Variants in HTR1D observed in about 807,000 individuals in gnomAD.
The protein encoded by HTR1D is 5-HT-1D.
HTR1D carries 18 observed loss-of-function variants against 21.1 expected under a neutral mutation model. The observed-to-expected ratio is 0.85, with a 90% CI of 0.59 to 1.27. The LOEUF is 1.27. Among genes scored for constraint, HTR1D ranks in the 50% most tolerant of loss-of-function variants. The pLI is 0.00. For missense variants in HTR1D, 456 were observed against 481.4 expected, an observed-to-expected ratio of 0.95 and a Z score of 0.49; for synonymous variants, 196 against 204.4, an observed-to-expected ratio of 0.96 and a Z score of 0.35.
intron 1 of HTR1D, among the ~76,000 whole-genome samples, chr1:23,195,991 CTAAT>C (rs1161620788): frequency 1.3e-5 from 2 of 152,018 alleles, no homozygotes; most frequent in African/African-American, 4.8e-5. Flanking sequence ...CCGTGCCCAG[CTAAT>C]TGTTTTTTAT....
chr1:23,211,754 T>C (rs1009119383), intron 1 of HTR1D, among the ~76,000 whole-genome samples: 1 of 152,016 alleles, frequency 6.6e-6, no homozygotes, highest in African/African-American at 2.4e-5. Flanking sequence ...CTCAACCTCC[T>C]GAGCTCAAGC....
intron 1 of HTR1D, among the ~76,000 whole-genome samples, chr1:23,206,425 G>A (rs1287513915): frequency 6.6e-6 from 1 of 152,142 alleles, no homozygotes; most frequent in Non-Finnish European, 1.5e-5. Flanking sequence ...AGGCTTCACA[G>A]CTTGGTTTAA....
intron 1 of HTR1D, among the ~76,000 whole-genome samples, chr1:23,213,500 C>CAAAACAA (rs1644762024): frequency 3.1e-5 from 1 of 32,456 alleles, no homozygotes; most frequent in East Asian, 7.6e-4. Context: ...AAAACAAAAA[C>CAAAACAA]AATAAGGAAG....
chr1:23,199,415 C>CT lies in HTR1D; in HGVS notation c.-782-4415dup, dbSNP rs71020483. ...ACAGGTGTGAGCCGCCATGTGTGGT[C>CT]TTTTTTTTTTTTTTTTTTTTTTTTT... On this transcript the variant is annotated intron_variant, in intron 1 of 1. Coordinates refer to ENST00000374619, the MANE Select transcript of HTR1D (RefSeq NM_000864.5). Among the ~76,000 whole-genome samples, 85 of 46,328 alleles carry CT rather than the reference C, an allele frequency of 1.8e-3. 16 individuals are homozygous for CT. Among genetic ancestry groups the CT allele is most frequent in the Non-Finnish European group, 2.4e-3 (63 of 26,548 alleles). 30.4% of individuals were successfully genotyped at this position (46,328 alleles called of 152,430 possible). A position where few individuals can be genotyped will look rare whatever the true frequency, so the allele number is the denominator to read the frequency against.
intron 1 of HTR1D, among the ~76,000 whole-genome samples, chr1:23,196,032 G>A (rs1454535604): frequency 1.3e-5 from 2 of 151,712 alleles, no homozygotes; most frequent in African/African-American, 4.8e-5. Flanking sequence ...ACAGAGGCAG[G>A]GTCTTGCTAT....
rs1423526027 is a variant in HTR1D at position 23,193,668 on chromosome 1, C to T, written c.552G>A (p.Glu184=). The change falls in exon 2 of 2, where the codon GAG becomes GAA. Residue 184 remains glutamate (E), a synonymous_variant. Transcript: ENST00000374619. ...LFWRQAKAQE[E]MSDCLVNTSQ... ...AGGTGTTCACCAGACAGTCCGACAT[C>T]TCCTCCTGGGCCTTGGCCTGCCGCC... The T allele has an allele frequency of 1.9e-6, 3 of 1,613,338 alleles. No homozygotes were observed. The highest frequency in any genetic ancestry group is 2.5e-6 in the Non-Finnish European group (3 of 1,179,568).
intron 1 of HTR1D, among the ~76,000 whole-genome samples, chr1:23,199,647 G>A (rs534308875): frequency 6.6e-5 from 10 of 151,666 alleles, no homozygotes; most frequent in South Asian, 6.3e-4. Context: ...ATTGTTATTC[G>A]TGTGTGTGTG....
At chr1:23,211,013 G>C (rs1457979558) in intron 1 of HTR1D, among the ~76,000 whole-genome samples, 1 of 152,140 alleles carries the variant, frequency 6.6e-6, no homozygotes, top group Admixed American at 6.6e-5. Flanking sequence ...CACCAAATTT[G>C]TTAGTGTTTA....
intron 1 of HTR1D, among the ~76,000 whole-genome samples, chr1:23,206,115 C>T (rs1009887478): frequency 1.1e-4 from 16 of 151,848 alleles, no homozygotes; most frequent in Admixed American, 5.9e-4. Context: ...GATCTCGGCT[C>T]ACTGCAAGCT....
intron 1 of HTR1D, among the ~76,000 whole-genome samples, chr1:23,207,963 A>G (rs1259521545): frequency 6.6e-6 from 1 of 151,992 alleles, no homozygotes; most frequent in African/African-American, 2.4e-5. Context: ...GGGTTTCACC[A>G]TGTTGGTCAG....
chr1:23,200,087 A>G (rs894994416), intron 1 of HTR1D, among the ~76,000 whole-genome samples: 7 of 152,146 alleles, frequency 4.6e-5, no homozygotes, highest in African/African-American at 1.7e-4. Flanking sequence ...ATACATTAAT[A>G]CCTATTGATA....
chr1:23,207,852 A>C (rs540003494), intron 1 of HTR1D, among the ~76,000 whole-genome samples: 1 of 139,834 alleles, frequency 7.2e-6, no homozygotes. Flanking sequence ...ACCTCCGCCC[A>C]CCAGGGTCAA....
intron 1 of HTR1D, among the ~76,000 whole-genome samples, chr1:23,208,756 C>T (rs1488658616): frequency 2.0e-5 from 3 of 152,098 alleles, no homozygotes; most frequent in Non-Finnish European, 2.9e-5. Flanking sequence ...ATGACTGGCT[C>T]CCAGCCACAC....
intron 1 of HTR1D, among the ~76,000 whole-genome samples, chr1:23,203,637 A>G (rs1166195053): frequency 6.6e-6 from 1 of 152,190 alleles, no homozygotes; most frequent in East Asian, 1.9e-4. Context: ...AGCCTGGGCA[A>G]CAGAGTGAGC....
chr1:23,208,040 G>A (rs1644738744), intron 1 of HTR1D, among the ~76,000 whole-genome samples: 1 of 151,942 alleles, frequency 6.6e-6, no homozygotes, highest in South Asian at 2.1e-4. Context: ...TGGGATTATA[G>A]GCGTGAGCCA....
rs1422578431 is a variant in HTR1D at position 23,194,584 on chromosome 1, C to T, written c.-365G>A. 1.2e-5 allele frequency: 2 copies of T among 173,518 alleles called. No homozygotes were observed. Among genetic ancestry groups the T allele is most frequent in the African/African-American group, 4.8e-5 (2 of 41,508 alleles). The allele number at this position is 173,518 out of a possible 1,614,324, so 10.7% of individuals were successfully genotyped here. A position where few individuals can be genotyped will look rare whatever the true frequency, so the allele number is the denominator to read the frequency against. On this transcript the variant is annotated 5_prime_UTR_variant, in exon 2 of 2. Transcript: ENST00000374619. Reference sequence around the variant, plus strand: ...GGGGACACATGCTGAATTTGTTAGACAATTATCAGGGGATCACACCCAGGT... The same window carrying T: ...GGGGACACATGCTGAATTTGTTAGATAATTATCAGGGGATCACACCCAGGT...
chr1:23,205,123 T>G (rs1644724827), intron 1 of HTR1D, among the ~76,000 whole-genome samples: 1 of 152,058 alleles, frequency 6.6e-6, no homozygotes, highest in Non-Finnish European at 1.5e-5. Context: ...TATTATATTC[T>G]AAGTGAAGTA....
intron 1 of HTR1D, among the ~76,000 whole-genome samples, chr1:23,201,204 T>G (rs569789767): frequency 6.6e-6 from 1 of 152,136 alleles, no homozygotes; most frequent in Non-Finnish European, 1.5e-5. Context: ...AAGATAAATC[T>G]GCAGGCCAAG....
At position 23,207,280 on chromosome 1, in the gene HTR1D, G is replaced by A. The variant is rs559600381; in HGVS notation, c.-783+10011C>T. Among the ~76,000 whole-genome samples, 7 of 152,160 alleles carry A rather than the reference G, an allele frequency of 4.6e-5. No homozygotes were observed. In the South Asian group the frequency reaches 6.2e-4, roughly 14 times the overall value. The stretch of plus-strand genomic sequence containing the variant: ...ATCTGGGTGTGGTGTGTGGTGGTAC[G>A]TGCCTGTAGTCCCTGCTAGTCAGGA... On this transcript the variant is annotated intron_variant, in intron 1 of 1. Coordinates refer to ENST00000374619, the MANE Select transcript of HTR1D (RefSeq NM_000864.5).
Sources: gnomAD v4.1 joint callset for allele counts (sites outside exome capture counted in the v4.1 genomes callset) on GRCh38, gnomAD v4.1.1 for gene constraint, MANE v1.5 for transcripts, NCBI Gene and HGNC (gene_info 2026-07-23, HGNC 2026-07-21) for gene names.